The following LAMC3 variants were observed in gnomAD, a reference collection of about 807,000 sequenced individuals.
LAMC3 encodes the protein laminin subunit gamma 3.
LAMC3 carries 128 observed loss-of-function variants against 173.8 expected under a neutral mutation model. The ratio of observed to expected loss-of-function variants is 0.74; its 90% CI spans 0.64 to 0.85. The LOEUF (loss-of-function observed/expected upper bound fraction) is 0.85. Ranked by LOEUF, LAMC3 falls within the 40% of genes least tolerant of loss-of-function variation. The pLI is 0.00. For synonymous variants in LAMC3, 897 were observed against 909.1 expected (o/e 0.99, Z 0.24); for missense variants, 2,022 against 2,156.0 (o/e 0.94, Z 1.23).
intron 1 of LAMC3, among the ~76,000 whole-genome samples, chr9:131,023,354 C>T (rs189670578): frequency 6.8e-4 from 103 of 152,270 alleles, no homozygotes; most frequent in African/African-American, 1.2e-3. Flanking sequence ...AACTGCTAGG[C>T]GCTGTTTTCC....
chr9:131,042,491 G>A (rs775705062), intron 7 of LAMC3, among the ~76,000 whole-genome samples: 4 of 132,954 alleles, frequency 3.0e-5, no homozygotes, highest in Admixed American at 7.6e-5. Context: ...TCACACTCAC[G>A]GCCAACATCA....
chr9:131,031,752 C>A (rs968239584), intron 2 of LAMC3, among the ~76,000 whole-genome samples: 21 of 152,226 alleles, frequency 1.4e-4, no homozygotes, highest in African/African-American at 4.6e-4. Flanking sequence ...TACCCTCCCC[C>A]AGACATGTTT....
At chr9:131,021,103 AAC>A (rs1380528412) in intron 1 of LAMC3, 1 of 152,202 alleles carries the variant, frequency 6.6e-6, no homozygotes, top group Non-Finnish European at 1.5e-5. Context: ...TGCTTGGAGT[AAC>A]ACAGGCTCTT....
chr9:131,052,814 A>G (rs750958026), intron 10 of LAMC3, 36 bp from the exon 11 acceptor site: 17 of 1,097,018 alleles, frequency 1.5e-5, no homozygotes, highest in Non-Finnish European at 2.0e-5. Flanking sequence ...CCCCCACCCT[A>G]TGTCGGGATC....
intron 18 of LAMC3, 104 bp from the exon 19 acceptor site, chr9:131,072,522 CTGCT>C: frequency 1.1e-6 from 1 of 891,320 alleles, no homozygotes; most frequent in Non-Finnish European, 1.8e-6. Context: ...GTGCTCAGGG[CTGCT>C]GATGCCTGGG....
intron 12 of LAMC3, among the ~76,000 whole-genome samples, chr9:131,059,029 C>A (rs1829750306): frequency 6.6e-6 from 1 of 151,388 alleles, no homozygotes; most frequent in African/African-American, 2.4e-5. Flanking sequence ...GAAACCCTGT[C>A]TCTACTAAAA....
At chr9:131,068,309 GCCT>G in intron 15 of LAMC3, 78 bp downstream of exon 15, 1 of 1,483,822 alleles carries the variant, frequency 6.7e-7, no homozygotes. Context: ...CCAGGGAGGG[GCCT>G]GGTTTGGAAG....
chr9:131,045,565 C>T lies in LAMC3; in HGVS notation c.1424C>T (p.Ala475Val), dbSNP rs994955035. 5.0e-6 allele frequency: 8 copies of T among 1,614,062 alleles called. No homozygotes were observed. The highest frequency in any genetic ancestry group is 6.8e-6 in the Non-Finnish European group (8 of 1,180,006). ...TTTAACCTGCAGCCCCACAATCCAG[C>T]TGGCTGCAGCAGCTGTTTCTGCTAT... is the stretch of plus-strand genomic sequence containing the variant. Reference protein sequence around the residue: ...GTFNLQPHNPAGCSSCFCYGH... With the variant: ...GTFNLQPHNPVGCSSCFCYGH... Residue 475 changes from alanine (A) to valine (V), a missense_variant, in exon 8 of 28, where the codon GCT becomes GTT. Transcript: ENST00000361069.
At chr9:131,016,232 G>C (rs547276057) in intron 1 of LAMC3, among the ~76,000 whole-genome samples, 2 of 152,192 alleles carry the variant, frequency 1.3e-5, no homozygotes, top group Non-Finnish European at 2.9e-5. Flanking sequence ...GTAGAATGCT[G>C]GTTGCCAGGG....
At chr9:131,030,276 G>A (rs1250596389) in intron 2 of LAMC3, among the ~76,000 whole-genome samples, 2 of 152,186 alleles carry the variant, frequency 1.3e-5, no homozygotes, top group Non-Finnish European at 2.9e-5. Flanking sequence ...CAGTCCCCCT[G>A]CAATTGAGGC....
At position 131,068,102 on chromosome 9, in the gene LAMC3, C is replaced by T. The variant is rs150207220; in HGVS notation, c.2618C>T (p.Ser873Leu). 33 of 1,612,060 alleles carry T rather than the reference C, an allele frequency of 2.0e-5. 1 individual carries two copies. The highest frequency in any genetic ancestry group is 1.6e-4 in the Middle Eastern group (1 of 6,084). Residue 873 changes from serine to leucine, a missense_variant, in exon 15 of 28, where the codon TCG becomes TTG. Coordinates refer to ENST00000361069, the MANE Select transcript of LAMC3 (RefSeq NM_006059.4). ...GCTTGCAGCTGTCACCCACAGGGCT[C>T]GGTCAGTGAGCAGATGCCCTGCGAC... is the stretch of plus-strand genomic sequence containing the variant. The part of the protein sequence containing the change: ...CMPCSCHPQG[S>L]VSEQMPCDPV...
chr9:131,087,219 C>A (rs1830346628), intron 25 of LAMC3, among the ~76,000 whole-genome samples: 2 of 152,328 alleles, frequency 1.3e-5, no homozygotes, highest in East Asian at 1.9e-4. Flanking sequence ...TTGGCCAGCC[C>A]CTCCTCCCCT....
intron 19 of LAMC3, 53 bp downstream of exon 19, chr9:131,072,888 T>C: frequency 6.6e-7 from 1 of 1,526,632 alleles, no homozygotes; most frequent in Non-Finnish European, 9.0e-7. Context: ...CATTGGTCCC[T>C]GCCCCAGCCC....
intron 22 of LAMC3, among the ~76,000 whole-genome samples, chr9:131,077,664 A>AAG (rs2133336519): frequency 7.5e-6 from 1 of 132,832 alleles, no homozygotes; most frequent in Admixed American, 7.8e-5. Flanking sequence ...GCGACAGAGC[A>AAG]AGACTCCATC....
chr9:131,056,865 T>A, intron 11 of LAMC3, 64 bp from the exon 12 acceptor site: 1 of 1,307,600 alleles, frequency 7.6e-7, no homozygotes, highest in Non-Finnish European at 1.1e-6. Flanking sequence ...AGGAAGGTTT[T>A]GGGGGGAAGC....
At position 131,039,362 on chromosome 9, in the gene LAMC3, C is replaced by T. The variant is rs184745951; in HGVS notation, c.1283+114C>T. ...CATCCCTTCCTGTCTGCAGCTACCT[C>T]GCCCTAATCCTGGTGAAGACTAGAG... On this transcript the variant is annotated intron_variant, in intron 6 of 27. Coordinates refer to ENST00000361069, the MANE Select transcript of LAMC3 (RefSeq NM_006059.4). 557 of 878,778 alleles carry T rather than the reference C, an allele frequency of 6.3e-4. 1 individual carries two copies. The highest frequency in any genetic ancestry group is 1.9e-4 in the Non-Finnish European group (104 of 542,804). The allele number at this position is 878,778 out of a possible 1,614,324, so 54.4% of individuals were successfully genotyped here.
intron 4 of LAMC3, among the ~76,000 whole-genome samples, chr9:131,038,144 C>T (rs1372531604): frequency 6.6e-6 from 1 of 152,366 alleles, no homozygotes; most frequent in East Asian, 1.9e-4. Context: ...CACTGCTCAG[C>T]CTTCAGATTC....
At chr9:131,081,812 G>A (rs749300366) in intron 23 of LAMC3, among the ~76,000 whole-genome samples, 6 of 152,180 alleles carry the variant, frequency 3.9e-5, no homozygotes, top group South Asian at 2.1e-4. Context: ...AGGTGTTCTC[G>A]TTCCTTTAAT....
chr9:131,027,432 T>C (rs971212030), intron 2 of LAMC3, among the ~76,000 whole-genome samples: 1 of 152,122 alleles, frequency 6.6e-6, no homozygotes, highest in Non-Finnish European at 1.5e-5. Context: ...GACAGGAACA[T>C]GGGCTTTGGA....
Sources: allele counts gnomAD v4.1 joint callset (sites outside exome capture counted in the v4.1 genomes callset), GRCh38; gene constraint gnomAD v4.1.1; transcripts MANE v1.5; gene names NCBI Gene and HGNC (gene_info 2026-07-23, HGNC 2026-07-21).